GLT1D1: variants seen among roughly 807,000 people sequenced by gnomAD.
GLT1D1 encodes glycosyltransferase 1 domain containing 1, also known as glycosyltransferase 1 domain-containing protein 1.
In GLT1D1, 21 loss-of-function variants were observed where a neutral mutation model predicts 28.7. The ratio of observed to expected loss-of-function variants is 0.73; its 90% CI spans 0.52 to 1.05. The LOEUF is 1.05. Ranked by LOEUF, GLT1D1 falls within the 50% of genes least tolerant of loss-of-function variation. The probability of loss-of-function intolerance (pLI) is 0.00; values close to 1 mark genes in which losing one functional copy is unlikely to be tolerated. For missense variants in GLT1D1, 343 were observed against 330.6 expected, an observed-to-expected ratio of 1.04 and a Z score of -0.29; for synonymous variants, 147 against 124.8, an observed-to-expected ratio of 1.18 and a Z score of -1.19.
intron 5 of GLT1D1, 83 bp from the exon 10 acceptor site, chr12:128,947,255 C>A (rs1257603565): frequency 7.8e-6 from 12 of 1,529,058 alleles, no homozygotes; most frequent in South Asian, 1.1e-5. Context: ...AGTATTACAC[C>A]CAAATTGTCA....
At chr12:128,881,550 AAAAAAAAAAAAATATATATATATATAT>A (rs1957049293) in intron 2 of GLT1D1, among the ~76,000 whole-genome samples, 1 of 73,560 alleles carries the variant, frequency 1.4e-5, no homozygotes, top group African/African-American at 5.7e-5. Flanking sequence ...AAAAAAAAAA[AAAAAAAAAAAAATATATATATATATAT>A]ATATATATAT....
intron 1 of GLT1D1, among the ~76,000 whole-genome samples, chr12:128,855,127 A>T (rs1157716786): frequency 6.7e-6 from 1 of 148,508 alleles, no homozygotes; most frequent in Non-Finnish European, 1.5e-5. Context: ...GAGGCAGGAG[A>T]ATCGCTTGAA....
At chr12:128,956,256 C>G (rs1045454280) in intron 6 of GLT1D1, among the ~76,000 whole-genome samples, 28 of 151,460 alleles carry the variant, frequency 1.8e-4, no homozygotes, top group Non-Finnish European at 4.0e-4. Flanking sequence ...CATAGCTCAG[C>G]CTAGCTGACC....
At position 128,881,562 on chromosome 12, in the gene GLT1D1, ATAT is replaced by A. The variant is rs1191814292; in HGVS notation, c.217+5501_217+5503del. ...AAAAAAAAAAAAAAAAAAAAAAAAA[ATAT>A]ATATATATATATATATATATATATA... is the stretch of plus-strand genomic sequence containing the variant. On this transcript the variant is annotated intron_variant, in intron 2 of 7. Transcript: ENST00000281703. Among the ~76,000 whole-genome samples, 62 of 21,854 alleles carry A rather than the reference ATAT, an allele frequency of 2.8e-3. 1 individual carries two copies. Among genetic ancestry groups the A allele is most frequent in the East Asian group, 5.7e-3 (3 of 522 alleles). 14.3% of individuals were successfully genotyped at this position (21,854 alleles called of 152,430 possible). A position where few individuals can be genotyped will look rare whatever the true frequency, so the allele number is the denominator to read the frequency against.
chr12:128,966,444 A>T (rs576849483), intron 7 of GLT1D1, among the ~76,000 whole-genome samples: 34 of 151,884 alleles, frequency 2.2e-4, no homozygotes, highest in African/African-American at 8.2e-4. Flanking sequence ...TCTTTTCACC[A>T]CCCTTCCCTA....
At chr12:128,971,951 CG>C (rs1452282495) in intron 7 of GLT1D1, among the ~76,000 whole-genome samples, 1 of 148,006 alleles carries the variant, frequency 6.8e-6, no homozygotes, top group Non-Finnish European at 1.5e-5. Context: ...TGAGTTTTGC[CG>C]GGAGAATCCA....
At chr12:128,859,137 C>T (rs571739864) in intron 1 of GLT1D1, among the ~76,000 whole-genome samples, 2 of 152,328 alleles carry the variant, frequency 1.3e-5, no homozygotes, top group East Asian at 3.9e-4. Context: ...TGTCACAGGC[C>T]ATGGTCACTC....
At position 128,865,360 on chromosome 12, in the gene GLT1D1, T is replaced by C. The variant is rs1405478180; in HGVS notation, c.69-10554T>C. Among the ~76,000 whole-genome samples the C allele has an allele frequency of 2.0e-5, 3 of 152,228 alleles. No homozygotes were observed. In the East Asian group the frequency reaches 5.8e-4, roughly 29 times the overall value. ...TTGACAACTAGTAATTATATATATT[T>C]ATGGGATACCATGTGATGTTTTGGA... is the stretch of plus-strand genomic sequence containing the variant. On this transcript the variant is annotated intron_variant, in intron 1 of 7. Coordinates refer to ENST00000281703, the MANE Select transcript of GLT1D1 (RefSeq NM_144669.3).
In GLT1D1 at chr12:128,983,345, G is replaced by T; in HGVS notation, c.*255G>T. ...ATGAGTGACTGGGTTGACTGGGACA[G>T]GGAAAGGGGAACTGGTTTTCAGGGA... On this transcript the variant is annotated 3_prime_UTR_variant, in exon 8 of 8. Transcript: ENST00000281703. The surrounding 1 kb of genome is among the most constrained non-coding windows in gnomAD (Gnocchi z 4.7). 2.3e-6 allele frequency: 1 copy of T among 433,208 alleles called. No homozygotes were observed. The allele number at this position is 433,208 out of a possible 1,614,324, so 26.8% of individuals were successfully genotyped here. A position where few individuals can be genotyped will look rare whatever the true frequency, so the allele number is the denominator to read the frequency against.
chr12:128,969,446 G>A (rs1878815164), intron 7 of GLT1D1, among the ~76,000 whole-genome samples: 1 of 151,296 alleles, frequency 6.6e-6, no homozygotes, highest in African/African-American at 2.4e-5. Flanking sequence ...GCAGCCAGAG[G>A]TGGGAAGAGA....
At chr12:128,948,976 G>A (rs999175421) in intron 6 of GLT1D1, among the ~76,000 whole-genome samples, 22 of 150,728 alleles carry the variant, frequency 1.5e-4, no homozygotes, top group African/African-American at 4.8e-4. Flanking sequence ...AGTTTGTAAC[G>A]TGATCATCCT....
intron 1 of GLT1D1, among the ~76,000 whole-genome samples, chr12:128,865,654 T>G (rs1309187251): frequency 1.3e-5 from 2 of 152,104 alleles, no homozygotes; most frequent in East Asian, 3.9e-4. Context: ...AAAATCCATC[T>G]CTATTAAAAA....
intron 1 of GLT1D1, among the ~76,000 whole-genome samples, chr12:128,861,116 G>A (rs1259185295): frequency 6.6e-6 from 1 of 152,156 alleles, no homozygotes; most frequent in Non-Finnish European, 1.5e-5. Flanking sequence ...CTAGTCCTTG[G>A]AAACACTGAA....
At chr12:128,926,590 C>A in intron 4 of GLT1D1, 136 bp downstream of exon 7, 1 of 545,208 alleles carries the variant, frequency 1.8e-6, no homozygotes, top group Admixed American at 3.4e-5. Context: ...TAGATTGCTA[C>A]TTTGGAAAAG....
intron 1 of GLT1D1, among the ~76,000 whole-genome samples, chr12:128,862,362 A>G (rs1956404077): frequency 6.9e-6 from 1 of 145,756 alleles, no homozygotes; most frequent in African/African-American, 2.5e-5. Flanking sequence ...AAAGATAGCC[A>G]TTGAAAGTTG....
intron 4 of GLT1D1, among the ~76,000 whole-genome samples, chr12:128,924,629 G>C (rs946800594): frequency 6.6e-6 from 1 of 151,826 alleles, no homozygotes; most frequent in Non-Finnish European, 1.5e-5. Flanking sequence ...GTTAATTTTT[G>C]TATTTTTGGT....
In GLT1D1 at chr12:128,936,819, C is replaced by A. The variant is rs535541303; in HGVS notation, c.376-8507C>A. Among the ~76,000 whole-genome samples, 13 of 152,192 alleles carry A rather than the reference C, an allele frequency of 8.5e-5. No individual in the cohort carries two copies. In the East Asian group the frequency reaches 1.2e-3, roughly 14 times the overall value. On this transcript the variant is annotated intron_variant, in intron 4 of 7. Coordinates refer to ENST00000281703, the MANE Select transcript of GLT1D1 (RefSeq NM_144669.3). ...AAATGAGAATTTTCATTGTGGCTTG[C>A]GATGCTTTTGCCCTTTAAAATTTCA...
intron 2 of GLT1D1, among the ~76,000 whole-genome samples, chr12:128,881,478 G>A (rs570313070): frequency 6.1e-5 from 8 of 131,020 alleles, no homozygotes; most frequent in African/African-American, 2.3e-4. Context: ...ACGTTGCAGT[G>A]AGCTGAGATC....
chr12:128,960,110 G>A (rs1271092531), intron 7 of GLT1D1, among the ~76,000 whole-genome samples: 1 of 152,156 alleles, frequency 6.6e-6, no homozygotes, highest in Non-Finnish European at 1.5e-5. Flanking sequence ...CATCAGACAC[G>A]ACTCTGCGGC....
Sources: allele counts gnomAD v4.1 joint callset (sites outside exome capture counted in the v4.1 genomes callset), GRCh38; gene constraint gnomAD v4.1.1; non-coding constraint Gnocchi (gnomAD v3.1); transcripts MANE v1.5; gene names NCBI Gene and HGNC (gene_info 2026-07-23, HGNC 2026-07-21).